ZFYVE1: variants seen among roughly 807,000 people sequenced by gnomAD.
ZFYVE1 encodes zinc finger FYVE-type containing 1, also known as zinc finger FYVE domain-containing protein 1.
In ZFYVE1, 30 loss-of-function variants were observed where a neutral mutation model predicts 74.4. The ratio of observed to expected loss-of-function variants is 0.40; its 90% CI spans 0.30 to 0.55. The LOEUF is 0.55. ZFYVE1 is among the 20% of genes least tolerant of loss of function. ZFYVE1 has a pLI of 0.42. For missense variants in ZFYVE1, 703 were observed against 1,011.6 expected, an observed-to-expected ratio of 0.69 and a Z score of 4.14; for synonymous variants, 335 against 385.1, an observed-to-expected ratio of 0.87 and a Z score of 1.52.
At chr14:73,003,711 A>G (rs537528556) in intron 2 of ZFYVE1, among the ~76,000 whole-genome samples, 1 of 127,654 alleles carries the variant, frequency 7.8e-6, no homozygotes, top group East Asian at 2.0e-4. Context: ...CTCTAACTGG[A>G]AAAAAAAAAA....
rs538080797 is a variant in ZFYVE1, at chr14:72,991,911, C to CTT, written c.1203+1230_1203+1231dup. On this transcript the variant is annotated intron_variant, in intron 4 of 11. Coordinates refer to ENST00000556143, the MANE Select transcript of ZFYVE1 (RefSeq NM_021260.4). The stretch of plus-strand genomic sequence containing the variant: ...TCTCTTTAAGAGGCCAAATCTCCCT[C>CTT]TTTTTTTTTTTTTGAGACAGCATCT... 1.6e-3 allele frequency among the ~76,000 whole-genome samples: 227 copies of CTT among 145,206 alleles called. 1 individual carries two copies. Among genetic ancestry groups the CTT allele is most frequent in the African/African-American group, 5.0e-3 (200 of 39,616 alleles).
In ZFYVE1 at chr14:72,981,773, G is replaced by A. The variant is rs1419148556; in HGVS notation, c.1310+16C>T. Reference sequence around the variant, plus strand: ...TCAAGGTATGGGGTGGGAGGTGGGGGAGCGGCCTTACTTACCCACAGCTGA... The same window carrying A: ...TCAAGGTATGGGGTGGGAGGTGGGGAAGCGGCCTTACTTACCCACAGCTGA... On this transcript the variant is annotated intron_variant, in intron 5 of 11. Transcript: ENST00000556143. The A allele has an allele frequency of 1.9e-6, 3 of 1,610,866 alleles. No homozygotes were observed. Among genetic ancestry groups the A allele is most frequent in the East Asian group, 2.2e-5 (1 of 44,880 alleles).
At chr14:72,999,044 A>C (rs1177347565) in intron 2 of ZFYVE1, among the ~76,000 whole-genome samples, 1 of 152,196 alleles carries the variant, frequency 6.6e-6, no homozygotes, top group African/African-American at 2.4e-5. Flanking sequence ...TATAATCCCA[A>C]CACCTTGAGA....
At chr14:73,015,965 G>A (rs1316610764) in intron 2 of ZFYVE1, among the ~76,000 whole-genome samples, 2 of 150,580 alleles carry the variant, frequency 1.3e-5, no homozygotes, top group African/African-American at 4.8e-5. Context: ...ACACAAGAAC[G>A]AAGAAAAACA....
intron 6 of ZFYVE1, 46 bp from the exon 7 acceptor site, chr14:72,978,280 G>T (rs1893227837): frequency 6.3e-7 from 1 of 1,591,834 alleles, no homozygotes; most frequent in Non-Finnish European, 8.6e-7. Flanking sequence ...TTTTTTGTTT[G>T]TTTTTTTAAT....
Position 73,024,224 on chromosome 14 carries a change from G to A in ZFYVE1, c.285C>T (p.Cys95=). 1 of 1,614,102 alleles carries A rather than the reference G, an allele frequency of 6.2e-7. No individual in the cohort carries two copies. Among genetic ancestry groups the A allele is most frequent in the Non-Finnish European group, 8.5e-7 (1 of 1,180,010 alleles). ...GGCACTCCAGGCACAAGTTAATTTT[G>A]CAGGTCTGGCACCTCACTATTGCCC... ...RQRAIVRCQT[C]KINLCLECQK... Residue 95 remains cysteine, a synonymous_variant, in exon 2 of 12, where the codon TGC becomes TGT. Coordinates refer to ENST00000556143, the MANE Select transcript of ZFYVE1 (RefSeq NM_021260.4).
chr14:73,024,435 C>G lies in ZFYVE1; in HGVS notation c.74G>C (p.Ser25Thr). The G allele has an allele frequency of 6.2e-7, 1 of 1,614,144 alleles. No individual in the cohort carries two copies. The highest frequency in any genetic ancestry group is 2.2e-5 in the East Asian group (1 of 44,884). Residue 25 changes from serine to threonine, a missense_variant, in exon 2 of 12, where the codon AGC (serine) becomes ACC (threonine). This residue lies in a region of ZFYVE1 where 211 missense variants were observed against 221.7 expected (regional missense o/e 0.95). Transcript: ENST00000556143. Reference sequence around the variant, plus strand: ...CTCAAAGATAGCTTCATCAGTCCCGCTGCAAGCGTAACTTTCCTGGCACAT... The same window carrying G: ...CTCAAAGATAGCTTCATCAGTCCCGGTGCAAGCGTAACTTTCCTGGCACAT... ...GLMCQESYAC[S>T]GTDEAIFECD...
At chr14:72,986,959 G>A (rs2140356556) in intron 4 of ZFYVE1, 4 of 985,428 alleles carry the variant, frequency 4.1e-6, no homozygotes, top group South Asian at 4.7e-5. Context: ...GAGAAAGGCA[G>A]GGAAGGGCCC....
rs962426232 is a variant in ZFYVE1 at position 72,970,570 on chromosome 14, G to A, written c.*312C>T. On this transcript the variant is annotated 3_prime_UTR_variant, in exon 12 of 12. Transcript: ENST00000556143. ...TCACAGCCAGCAGCAGCCTCGATAC[G>A]CCCCGAGTGCCTTTCATATGTATAT... The A allele has an allele frequency of 2.8e-5, 9 of 323,256 alleles. No homozygotes were observed. Among genetic ancestry groups the A allele is most frequent in the African/African-American group, 8.4e-5 (4 of 47,722 alleles). 20.0% of individuals were successfully genotyped at this position (323,256 alleles called of 1,614,324 possible). A position where few individuals can be genotyped will look rare whatever the true frequency, so the allele number is the denominator to read the frequency against.
chr14:72,973,362 G>A (rs1305637894), intron 11 of ZFYVE1, among the ~76,000 whole-genome samples: 1 of 152,098 alleles, frequency 6.6e-6, no homozygotes, highest in Non-Finnish European at 1.5e-5. Context: ...GGTGGCACGT[G>A]CCTGTAATCC....
At chr14:73,000,847 G>A (rs746715160) in intron 2 of ZFYVE1, among the ~76,000 whole-genome samples, 18 of 152,198 alleles carry the variant, frequency 1.2e-4, no homozygotes, top group Non-Finnish European at 2.4e-4. Flanking sequence ...CCCATCCACT[G>A]ATAAAATGTG....
Position 72,997,954 on chromosome 14 carries a change from T to C in ZFYVE1, c.845A>G (p.Asp282Gly), listed in dbSNP as rs758153645. The C allele has an allele frequency of 6.2e-7, 1 of 1,614,064 alleles. No homozygotes were observed. Among genetic ancestry groups the C allele is most frequent in the South Asian group, 1.1e-5 (1 of 91,064 alleles). Residue 282 changes from aspartate (D) to glycine (G), a missense_variant, in exon 3 of 12, where the codon GAT (aspartate) becomes GGT (glycine). By Grantham distance (94) the Asp-to-Gly change is moderately conservative. This residue lies in a region of ZFYVE1 where 492 missense variants were observed against 790.0 expected (regional missense o/e 0.62). Transcript: ENST00000556143. Reference protein sequence around the residue: ...LHNDLFKFLGDASEAYLKHFT... With the variant: ...LHNDLFKFLGGASEAYLKHFT... ...GTGCTTCAGATAAGCTTCTGAGGCA[T>C]CCCCAAGGAATTTGAAGAGGTCGTT...
chr14:73,015,534 G>GCCTCCTGAGTAGCTGA (rs1894184994), intron 2 of ZFYVE1, among the ~76,000 whole-genome samples: 1 of 152,038 alleles, frequency 6.6e-6, no homozygotes, highest in Non-Finnish European at 1.5e-5. Flanking sequence ...TGGGACTACA[G>GCCTCCTGAGTAGCTGA]GTGCCTGCCC....
Position 73,024,692 on chromosome 14 carries a change from G to T in ZFYVE1, c.-184C>A. On this transcript the variant is annotated 5_prime_UTR_variant, in exon 2 of 12. Transcript: ENST00000556143. ...AAACAAATGTTCAAATTTTTAATTTGCTGCCTCTAAGACTCTTGTATTAGC... is the reference window on the plus strand; with the variant it reads ...AAACAAATGTTCAAATTTTTAATTTTCTGCCTCTAAGACTCTTGTATTAGC... 1.1e-6 allele frequency: 1 copy of T among 896,000 alleles called. No individual in the cohort carries two copies. Among genetic ancestry groups the T allele is most frequent in the Non-Finnish European group, 1.6e-6 (1 of 624,638 alleles). 55.5% of individuals were successfully genotyped at this position (896,000 alleles called of 1,614,324 possible). A position where few individuals can be genotyped will look rare whatever the true frequency, so the allele number is the denominator to read the frequency against.
In ZFYVE1 at chr14:72,974,199, G is replaced by C. The variant is rs1567343630; in HGVS notation, c.1988-6C>G. The C allele has an allele frequency of 6.2e-7, 1 of 1,613,512 alleles. No homozygotes were observed. The highest frequency in any genetic ancestry group is 8.5e-7 in the Non-Finnish European group (1 of 1,179,508). ...CACTTGTGCCTCGGTAACAGCTGTA[G>C]ACAGTAATAAAGGAAATGCTGTCAC... On this transcript the variant is annotated splice_region_variant and splice_polypyrimidine_tract_variant and intron_variant, in intron 10 of 11. Transcript: ENST00000556143.
intron 11 of ZFYVE1, 124 bp from the exon 12 acceptor site, chr14:72,971,238 CTT>C: frequency 9.9e-7 from 1 of 1,013,638 alleles, no homozygotes; most frequent in Non-Finnish European, 1.4e-6. Context: ...GCTGACAGAG[CTT>C]TTTAAAAATG....
intron 2 of ZFYVE1, among the ~76,000 whole-genome samples, chr14:73,006,104 G>A (rs998577109): frequency 1.1e-4 from 16 of 151,698 alleles, no homozygotes; most frequent in Non-Finnish European, 1.9e-4. Context: ...TATTTTTAGT[G>A]GAGACGGGGT....
intron 6 of ZFYVE1, 82 bp downstream of exon 6, chr14:72,978,779 A>AAAT: frequency 8.7e-7 from 1 of 1,150,682 alleles, no homozygotes; most frequent in Non-Finnish European, 1.3e-6. Flanking sequence ...ATGCAGCAAA[A>AAAT]AATGGCCCCA....
At chr14:73,007,161 C>A (rs983307533) in intron 2 of ZFYVE1, among the ~76,000 whole-genome samples, 1 of 152,038 alleles carries the variant, frequency 6.6e-6, no homozygotes, top group Non-Finnish European at 1.5e-5. Flanking sequence ...GACCATGTAC[C>A]GGCTCTGTTC....
Sources: gnomAD v4.1 joint callset for allele counts (sites outside exome capture counted in the v4.1 genomes callset) on GRCh38, gnomAD v4.1.1 for gene constraint, gnomAD v4.1.1 regional missense constraint, MANE v1.5 for transcripts, NCBI Gene and HGNC (gene_info 2026-07-23, HGNC 2026-07-21) for gene names.